Variants in NAA35 observed in about 807,000 individuals in gnomAD.
The protein encoded by NAA35 is N-alpha-acetyltransferase 35, NatC auxiliary subunit, also known as MAK10 homolog, amino-acid N-acetyltransferase subunit.
NAA35 carries 18 observed loss-of-function variants against 101.7 expected under a neutral mutation model. The ratio of observed to expected loss-of-function variants is 0.18; its 90% CI spans 0.12 to 0.26. The LOEUF (loss-of-function observed/expected upper bound fraction) is 0.26. NAA35 is among the 10% of genes least tolerant of loss of function. The pLI is 1.00. For synonymous variants in NAA35, 267 were observed against 273.1 expected (o/e 0.98, Z 0.22); for missense variants, 601 against 886.8 (o/e 0.68, Z 4.09).
At chr9:85,983,384 A>T (rs139410398) in intron 11 of NAA35, among the ~76,000 whole-genome samples, 149 of 152,308 alleles carry the variant, frequency 9.8e-4, no homozygotes, top group African/African-American at 3.5e-3. Flanking sequence ...CAAATTCTAA[A>T]TATGCTAATT....
At chr9:86,012,926 C>G in intron 15 of NAA35, 120 bp from the exon 16 acceptor site, 1 of 510,464 alleles carries the variant, frequency 2.0e-6, no homozygotes. Context: ...ATACATAGAC[C>G]TAATTCTTAC....
intron 22 of NAA35, 144 bp downstream of exon 22, chr9:86,021,113 T>C (rs1832524804): frequency 9.0e-6 from 5 of 556,454 alleles, no homozygotes; most frequent in Non-Finnish European, 1.5e-5. Flanking sequence ...AGCAAAAAAT[T>C]AGAGCTTGCC....
At chr9:86,012,183 G>A (rs1193342607) in intron 15 of NAA35, among the ~76,000 whole-genome samples, 4 of 149,746 alleles carry the variant, frequency 2.7e-5, no homozygotes, top group Non-Finnish European at 5.9e-5. Flanking sequence ...GCAGTGGTGC[G>A]ATCTCAGCTT....
rs916549906 is a variant in NAA35 at position 86,025,355 on chromosome 9, G to C, written c.*3395G>C. On this transcript the variant is annotated 3_prime_UTR_variant, in exon 23 of 23. Coordinates refer to ENST00000361671, the MANE Select transcript of NAA35 (RefSeq NM_024635.4). ...GGGCAGAAGCTGGAAAGTCAGTTGA[G>C]GTGTAGACCATGCAGTGAGGAAAGA... 1.3e-5 allele frequency among the ~76,000 whole-genome samples: 2 copies of C among 152,142 alleles called. No individual in the cohort carries two copies. Among genetic ancestry groups the C allele is most frequent in the Non-Finnish European group, 1.5e-5 (1 of 68,030 alleles).
At chr9:85,963,444 A>G (rs1181874247) in intron 6 of NAA35, among the ~76,000 whole-genome samples, 2 of 151,096 alleles carry the variant, frequency 1.3e-5, no homozygotes, top group South Asian at 2.1e-4. Context: ...CTAATTTTGT[A>G]TTTTAGTAGA....
At chr9:86,020,039 A>G (rs753452808) in intron 21 of NAA35, among the ~76,000 whole-genome samples, 1 of 152,178 alleles carries the variant, frequency 6.6e-6, no homozygotes, top group Non-Finnish European at 1.5e-5. Flanking sequence ...AAGAAATCTA[A>G]AAAGAAAGGT....
chr9:86,019,550 C>CCA (rs1564331161), intron 21 of NAA35, among the ~76,000 whole-genome samples: 1 of 152,108 alleles, frequency 6.6e-6, no homozygotes, highest in Non-Finnish European at 1.5e-5. Context: ...TTCCACTTGA[C>CCA]CATTTAAAAT....
chr9:85,946,219 A>G (rs1296467220), intron 2 of NAA35, among the ~76,000 whole-genome samples: 1 of 151,966 alleles, frequency 6.6e-6, no homozygotes, highest in Non-Finnish European at 1.5e-5. Flanking sequence ...ATTCCTCACT[A>G]CAGCCTTGAC....
Position 85,958,567 on chromosome 9 carries a change from A to C in NAA35, c.254A>C (p.Asn85Thr), listed in dbSNP as rs374811138. The C allele has an allele frequency of 6.8e-6, 11 of 1,609,950 alleles. No homozygotes were observed. Among genetic ancestry groups the C allele is most frequent in the Admixed American group, 1.7e-5 (1 of 59,630 alleles). The change falls in exon 4 of 23, where the codon AAT becomes ACT. Residue 85 changes from asparagine to threonine, a missense_variant. By Grantham distance (65) the Asn-to-Thr change is moderately conservative (BLOSUM62 0). Around this residue, in one of 8 missense-constraint regions of NAA35, gnomAD observed 42 missense variants for 41.2 expected, o/e 1.02. Coordinates refer to ENST00000361671, the MANE Select transcript of NAA35 (RefSeq NM_024635.4). ...IGNQVNRKVL[N>T]FEQAIKDGTI... ...AACCAAGTTAATCGAAAAGTTCTCA[A>C]TTTTGAACAAGCTATCAAGGTAGTT...
At position 86,006,452 on chromosome 9, in the gene NAA35, A is replaced by T. The variant is rs1831647489; in HGVS notation, c.1117-906A>T. On this transcript the variant is annotated intron_variant, in intron 13 of 22. Transcript: ENST00000361671. ...ACATACTGTGGTACATGCACAGTGG[A>T]ATACTACTCAGAAATAAAAAGAAAA... is the stretch of plus-strand genomic sequence containing the variant. Among the ~76,000 whole-genome samples, 3 of 152,210 alleles carry T rather than the reference A, an allele frequency of 2.0e-5. No individual in the cohort carries two copies. The South Asian group carries it at 6.2e-4, about 32-fold the overall frequency.
At chr9:86,020,528 A>G (rs1415413735) in intron 21 of NAA35, among the ~76,000 whole-genome samples, 1 of 152,126 alleles carries the variant, frequency 6.6e-6, no homozygotes, top group African/African-American at 2.4e-5. Context: ...CCATTATACA[A>G]AGTTTCTATT....
chr9:86,017,601 A>C (rs749689119), intron 19 of NAA35, 36 bp downstream of exon 19: 1 of 1,522,968 alleles, frequency 6.6e-7, no homozygotes, highest in Non-Finnish European at 9.1e-7. Flanking sequence ...TTTGCCTTTT[A>C]GCTATATCCC....
chr9:85,951,349 T>A (rs1320845232), intron 2 of NAA35, among the ~76,000 whole-genome samples: 1 of 152,206 alleles, frequency 6.6e-6, no homozygotes, highest in East Asian at 1.9e-4. Flanking sequence ...TTGTTTTGGT[T>A]GAAGTATCTG....
chr9:85,949,676 T>G (rs1828927162), intron 2 of NAA35, among the ~76,000 whole-genome samples: 1 of 152,166 alleles, frequency 6.6e-6, no homozygotes, highest in South Asian at 2.1e-4. Context: ...CCTGTGATAT[T>G]TTTAACTTTG....
chr9:85,977,513 A>G, intron 10 of NAA35, 67 bp downstream of exon 10: 1 of 1,137,628 alleles, frequency 8.8e-7, no homozygotes, highest in Non-Finnish European at 1.3e-6. Flanking sequence ...TGAGTGAAGC[A>G]GTTCTGAAAC....
At chr9:85,961,600 C>A (rs1029775432) in intron 5 of NAA35, among the ~76,000 whole-genome samples, 5 of 152,080 alleles carry the variant, frequency 3.3e-5, no homozygotes, top group Non-Finnish European at 5.9e-5. Context: ...TATCTAGTTT[C>A]TTGAAATAAT....
chr9:85,977,247 G>A (rs1564301943), intron 9 of NAA35, 116 bp from the exon 10 acceptor site: 3 of 729,776 alleles, frequency 4.1e-6, no homozygotes, highest in Non-Finnish European at 7.2e-6. Context: ...GTAAGTGAAG[G>A]TGCCTGTAAT....
chr9:85,974,037 G>A (rs1587601238), intron 6 of NAA35, among the ~76,000 whole-genome samples: 2 of 151,938 alleles, frequency 1.3e-5, no homozygotes, highest in African/African-American at 4.8e-5. Flanking sequence ...GCTCACTGCA[G>A]CCTCCACCTC....
chr9:85,963,011 C>T (rs562302141), intron 6 of NAA35, among the ~76,000 whole-genome samples: 1 of 152,082 alleles, frequency 6.6e-6, no homozygotes, highest in South Asian at 2.1e-4. Context: ...AATTGCATCT[C>T]AACCTAGGAC....
Sources: gnomAD v4.1 joint callset for allele counts (sites outside exome capture counted in the v4.1 genomes callset) on GRCh38, gnomAD v4.1.1 for gene constraint, gnomAD v4.1.1 regional missense constraint, MANE v1.5 for transcripts, NCBI Gene and HGNC (gene_info 2026-07-23, HGNC 2026-07-21) for gene names.